GPM6A: variants seen among roughly 807,000 people sequenced by gnomAD.
The protein encoded by GPM6A is glycoprotein M6A.
A neutral mutation model predicts 32.1 loss-of-function variants in GPM6A; 7 were observed. The ratio of observed to expected loss-of-function variants is 0.22; its 90% CI spans 0.12 to 0.41. GPM6A has a LOEUF of 0.41. GPM6A is among the 10% of genes least tolerant of loss of function. The pLI, the probability that GPM6A is intolerant of heterozygous loss-of-function variation, is 1.00. For missense variants in GPM6A, 235 were observed against 347.2 expected, an observed-to-expected ratio of 0.68 and a Z score of 2.57; for synonymous variants, 130 against 123.4, an observed-to-expected ratio of 1.05 and a Z score of -0.35.
At chr4:175,728,348 A>G (rs1050954035) in intron 1 of GPM6A, among the ~76,000 whole-genome samples, 9 of 151,904 alleles carry the variant, frequency 5.9e-5, no homozygotes, top group Non-Finnish European at 1.2e-4. Context: ...AAAACAAAAC[A>G]AAAAGACTTC....
At chr4:175,863,739 C>T (rs1377951262) in intron 1 of GPM6A, among the ~76,000 whole-genome samples, 1 of 152,186 alleles carries the variant, frequency 6.6e-6, no homozygotes, top group Non-Finnish European at 1.5e-5. Flanking sequence ...CAGTGGCTCA[C>T]ATCTGTAATC....
At position 175,924,419 on chromosome 4, in the gene GPM6A, G is replaced by A. The variant is rs374534875; in HGVS notation, c.-23+77890C>T. Reference sequence around the variant, plus strand: ...TGCTGTGGCCCTTGCTAAAGACTGCGAAAGGAACACAGCAGACAGGCCACT... The same window carrying A: ...TGCTGTGGCCCTTGCTAAAGACTGCAAAAGGAACACAGCAGACAGGCCACT... On this transcript the variant is annotated intron_variant, in intron 1 of 7. Transcript: ENST00000280187. 8.5e-5 allele frequency among the ~76,000 whole-genome samples: 13 copies of A among 152,258 alleles called. No individual in the cohort carries two copies. The East Asian group carries it at 1.9e-3, about 23-fold the overall frequency.
chr4:175,690,614 T>C (rs1466139317), intron 2 of GPM6A, among the ~76,000 whole-genome samples: 2 of 152,204 alleles, frequency 1.3e-5, no homozygotes, highest in Non-Finnish European at 2.9e-5. Context: ...CTTCTCCTTC[T>C]TCAAAGCCAG....
At chr4:175,787,636 A>G in intron 1 of GPM6A, 1 of 1,271,142 alleles carries the variant, frequency 7.9e-7, no homozygotes, top group Non-Finnish European at 1.0e-6. Context: ...TAATTGCTTT[A>G]CTGACATAAC....
chr4:175,907,903 CT>C (rs1329940666), intron 1 of GPM6A, among the ~76,000 whole-genome samples: 1 of 152,062 alleles, frequency 6.6e-6, no homozygotes, highest in Non-Finnish European at 1.5e-5. Flanking sequence ...CTTTTTCCTC[CT>C]TATTCTGTCT....
chr4:175,797,726 GA>G (rs1734290741), intron 1 of GPM6A, among the ~76,000 whole-genome samples: 1 of 152,082 alleles, frequency 6.6e-6, no homozygotes, highest in African/African-American at 2.4e-5. Flanking sequence ...TGTAGGCTTC[GA>G]AGTTCTTTTT....
At chr4:175,812,465 A>G, upstream of GPM6A, 1 of 1,245,748 alleles carries the variant, frequency 8.0e-7, no homozygotes, top group Non-Finnish European at 1.0e-6. Context: ...CTCTTCCGTG[A>G]AGATTATCAA....
chr4:175,696,863 A>G (rs991424102), intron 2 of GPM6A, among the ~76,000 whole-genome samples: 2 of 152,176 alleles, frequency 1.3e-5, no homozygotes, highest in Admixed American at 6.5e-5. Context: ...AACGTAAACT[A>G]CAAGCAAACT....
intron 1 of GPM6A, among the ~76,000 whole-genome samples, chr4:175,973,607 G>T (rs1292301943): frequency 6.6e-6 from 1 of 152,098 alleles, no homozygotes; most frequent in African/African-American, 2.4e-5. Flanking sequence ...ACTATCAATT[G>T]CAATTTTAAA....
In GPM6A at chr4:175,812,201, C is replaced by G; in HGVS notation, c.27G>C (p.Gln9His). The G allele has an allele frequency of 6.4e-7, 1 of 1,559,284 alleles. No homozygotes were observed. The highest frequency in any genetic ancestry group is 8.7e-7 in the Non-Finnish European group (1 of 1,147,462). ...CTTTTAGCACAGTACCTTTTTGTGT[C>G]TGTCCCTCTTCCATATTCTCTTCCA... Reference protein sequence around the residue: MEENMEEGQTQKGCFECCI... With the variant: MEENMEEGHTQKGCFECCI... Residue 9 changes from glutamine to histidine, a missense_variant, in exon 1 of 7, where the codon CAG becomes CAC. By Grantham distance (24) the Gln-to-His change is conservative. This residue lies in a region of GPM6A where 101 missense variants were observed against 171.2 expected (regional missense o/e 0.59). Coordinates refer to ENST00000393658, the MANE Select transcript of GPM6A (RefSeq NM_201591.3).
intron 1 of GPM6A, among the ~76,000 whole-genome samples, chr4:175,885,050 T>A (rs1315657321): frequency 6.6e-6 from 1 of 152,194 alleles, no homozygotes; most frequent in Non-Finnish European, 1.5e-5. Flanking sequence ...GGAAGATATC[T>A]TTCAGAATGT....
chr4:175,974,152 C>T (rs1286188681), intron 1 of GPM6A, among the ~76,000 whole-genome samples: 1 of 151,926 alleles, frequency 6.6e-6, no homozygotes, highest in African/African-American at 2.4e-5. Flanking sequence ...ATTGCTTGAA[C>T]CTGTGAAGTG....
intron 4 of GPM6A, among the ~76,000 whole-genome samples, chr4:175,646,674 G>A: frequency 1.3e-5 from 2 of 152,220 alleles, no homozygotes; most frequent in Admixed American, 1.3e-4. Context: ...GTGGGTTTTT[G>A]AACAAACATA....
intron 1 of GPM6A, among the ~76,000 whole-genome samples, chr4:175,967,919 T>A (rs539725376): frequency 1.3e-5 from 2 of 152,302 alleles, no homozygotes; most frequent in South Asian, 2.1e-4. Context: ...AAATTGATTC[T>A]AAATTTTATA....
At chr4:175,807,044 A>G (rs748773960) in intron 1 of GPM6A, 3 of 152,186 alleles carry the variant, frequency 2.0e-5, no homozygotes, top group Non-Finnish European at 4.4e-5. Flanking sequence ...AAGATTTTTG[A>G]TGTTGTTTTT....
At chr4:175,749,120 T>C (rs776038582) in intron 1 of GPM6A, among the ~76,000 whole-genome samples, 25 of 152,106 alleles carry the variant, frequency 1.6e-4, no homozygotes, top group Non-Finnish European at 3.4e-4. Context: ...TTTTATTAAC[T>C]ATGCTGTCTT....
chr4:175,999,770 C>A (rs1405890959), intron 1 of GPM6A, among the ~76,000 whole-genome samples: 1 of 152,082 alleles, frequency 6.6e-6, no homozygotes, highest in African/African-American at 2.4e-5. Flanking sequence ...AACAAAAAAA[C>A]TGGATTCCAT....
At chr4:175,879,740 C>T (rs572194087) in intron 1 of GPM6A, among the ~76,000 whole-genome samples, 104 of 152,196 alleles carry the variant, frequency 6.8e-4, no homozygotes, top group African/African-American at 2.3e-3. Flanking sequence ...CTTCTTCCCT[C>T]CACTAATTAT....
chr4:175,726,674 C>T (rs1746425188), intron 1 of GPM6A, among the ~76,000 whole-genome samples: 1 of 152,030 alleles, frequency 6.6e-6, no homozygotes. Context: ...TGCAGAGAAG[C>T]TAAAAGACAC....
Sources: gnomAD v4.1 joint callset for allele counts (sites outside exome capture counted in the v4.1 genomes callset) on GRCh38, gnomAD v4.1.1 for gene constraint, gnomAD v4.1.1 regional missense constraint, MANE v1.5 for transcripts, NCBI Gene and HGNC (gene_info 2026-07-23, HGNC 2026-07-21) for gene names.